CSMD1: variants seen among roughly 807,000 people sequenced by gnomAD.
CSMD1 encodes CUB and sushi domain-containing protein 1.
A neutral mutation model predicts 417.5 loss-of-function variants in CSMD1; 213 were observed. The ratio of observed to expected loss-of-function variants is 0.51; its 90% CI spans 0.46 to 0.57. The LOEUF (loss-of-function observed/expected upper bound fraction) is 0.57. Among genes scored for constraint, CSMD1 ranks in the 20% least tolerant of loss-of-function variants. The pLI is 0.00. For missense variants in CSMD1, 6,923 were observed against 4,529.7 expected, an observed-to-expected ratio of 1.53 and a Z score of -15.17; for synonymous variants, 2,862 against 1,736.8, an observed-to-expected ratio of 1.65 and a Z score of -16.11.
intron 3 of CSMD1, among the ~76,000 whole-genome samples, chr8:4,056,749 T>C (rs922418607): frequency 1.3e-5 from 2 of 151,846 alleles, no homozygotes; most frequent in African/African-American, 4.8e-5. Context: ...TGCGTTCTCA[T>C]TGTTCAATTC....
At chr8:3,306,410 G>C (rs185099532) in intron 25 of CSMD1, among the ~76,000 whole-genome samples, 1 of 152,242 alleles carries the variant, frequency 6.6e-6, no homozygotes, top group East Asian at 1.9e-4. Context: ...CTGATCTTAA[G>C]TGATCCACCC....
chr8:3,102,147 G>T (rs929130417), intron 46 of CSMD1, among the ~76,000 whole-genome samples: 1 of 152,130 alleles, frequency 6.6e-6, no homozygotes, highest in Non-Finnish European at 1.5e-5. Context: ...AATAGCTAAC[G>T]TAATTTTTCT....
chr8:4,699,817 C>G (rs192127850), intron 1 of CSMD1, among the ~76,000 whole-genome samples: 1 of 152,304 alleles, frequency 6.6e-6, no homozygotes, highest in African/African-American at 2.4e-5. Flanking sequence ...ATGAACAGGT[C>G]TTGCCGATGC....
intron 7 of CSMD1, among the ~76,000 whole-genome samples, chr8:3,618,518 A>C (rs1802257277): frequency 6.6e-6 from 1 of 152,080 alleles, no homozygotes; most frequent in Non-Finnish European, 1.5e-5. Flanking sequence ...TGATGTGACA[A>C]TTATATTGAA....
chr8:3,949,835 T>C (rs374723515), intron 5 of CSMD1: 28 of 446,568 alleles, frequency 6.3e-5, no homozygotes, highest in African/African-American at 2.6e-4. Context: ...CCATCTTTCA[T>C]TGATTGAGGG....
chr8:4,641,662 C>G (rs565019108), intron 1 of CSMD1, among the ~76,000 whole-genome samples: 3 of 152,140 alleles, frequency 2.0e-5, no homozygotes, highest in Non-Finnish European at 4.4e-5. Flanking sequence ...TATATCTCCA[C>G]GAACAAACAC....
intron 5 of CSMD1, among the ~76,000 whole-genome samples, chr8:3,942,677 C>T (rs951951266): frequency 6.6e-6 from 1 of 152,122 alleles, no homozygotes; most frequent in Non-Finnish European, 1.5e-5. Context: ...ATTTATAGGT[C>T]CTTTTCCCTA....
rs543107664 is a variant in CSMD1, at chr8:3,111,594, G to C, written c.6431-1259C>G. Among the ~76,000 whole-genome samples the C allele has an allele frequency of 2.2e-4, 33 of 152,284 alleles. No individual in the cohort carries two copies. In the South Asian group the frequency reaches 6.2e-3, roughly 29 times the overall value. On this transcript the variant is annotated intron_variant, in intron 42 of 69. Coordinates refer to ENST00000635120, the MANE Select transcript of CSMD1 (RefSeq NM_033225.6). ...CTTCTGTAATCCCAGCACTTTGGGA[G>C]ACTGAGGTGGGTGGATCACCTGAGG...
intron 1 of CSMD1, among the ~76,000 whole-genome samples, chr8:4,840,588 T>C (rs1585194531): frequency 6.6e-6 from 1 of 152,180 alleles, no homozygotes; most frequent in African/African-American, 2.4e-5. Context: ...AAAACAAATG[T>C]AAGAAAATAT....
At chr8:4,816,455 T>G (rs1037738404) in intron 1 of CSMD1, among the ~76,000 whole-genome samples, 16 of 152,128 alleles carry the variant, frequency 1.1e-4, no homozygotes, top group Non-Finnish European at 1.9e-4. Context: ...CCCAAACTCC[T>G]GACCTCAAGT....
chr8:3,274,539 C>T (rs1356848940), intron 26 of CSMD1, among the ~76,000 whole-genome samples: 2 of 152,052 alleles, frequency 1.3e-5, no homozygotes, highest in African/African-American at 2.4e-5. Flanking sequence ...GTTAAAGTCT[C>T]CCATTATTAA....
At chr8:3,835,313 C>T (rs1437211105) in intron 5 of CSMD1, among the ~76,000 whole-genome samples, 2 of 152,078 alleles carry the variant, frequency 1.3e-5, no homozygotes, top group Admixed American at 6.5e-5. Context: ...GACTTGGAAC[C>T]ATCCCAAATG....
chr8:3,396,014 T>C (rs908251774), intron 17 of CSMD1, among the ~76,000 whole-genome samples, 180 bp downstream of exon 17: 1 of 152,226 alleles, frequency 6.6e-6, no homozygotes, highest in Non-Finnish European at 1.5e-5. Context: ...AAGGCAGTAA[T>C]TCCAAGATGC....
chr8:3,347,712 G>A lies in CSMD1; in HGVS notation c.3474+280C>T, dbSNP rs111988178. 6.1e-3 allele frequency among the ~76,000 whole-genome samples: 931 copies of A among 152,266 alleles called. 6 individuals are homozygous for A. Among genetic ancestry groups the A allele is most frequent in the Non-Finnish European group, 8.1e-3 (554 of 68,024 alleles). On this transcript the variant is annotated intron_variant, in intron 22 of 69. Coordinates refer to ENST00000635120, the MANE Select transcript of CSMD1 (RefSeq NM_033225.6). The stretch of plus-strand genomic sequence containing the variant: ...ACAATTGCATTTTGTTACACATAAG[G>A]AAGCTGAAGATCAAAAGTGTTAAAT...
chr8:3,125,639 T>C (rs570901445), intron 41 of CSMD1, among the ~76,000 whole-genome samples: 2 of 152,318 alleles, frequency 1.3e-5, no homozygotes, highest in East Asian at 1.9e-4. Context: ...GAAGGCATTC[T>C]CTCTATTAGT....
intron 2 of CSMD1, among the ~76,000 whole-genome samples, chr8:4,549,895 T>TTA (rs1563277700): frequency 3.0e-5 from 2 of 65,840 alleles, no homozygotes; most frequent in Non-Finnish European, 5.3e-5. Flanking sequence ...AGACTTTGTC[T>TTA]CAAAAAAAAA....
intron 5 of CSMD1, among the ~76,000 whole-genome samples, chr8:3,883,594 GTTA>G (rs1459228750): frequency 9.9e-5 from 15 of 152,086 alleles, no homozygotes; most frequent in African/African-American, 2.2e-4. Flanking sequence ...AAAAATTAGT[GTTA>G]TTATTTATTT....
At chr8:3,208,298 C>A (rs576066688) in intron 30 of CSMD1, among the ~76,000 whole-genome samples, 4 of 152,124 alleles carry the variant, frequency 2.6e-5, no homozygotes, top group African/African-American at 7.2e-5. Context: ...ATCTTCTGAT[C>A]GCTCTGTCAC....
chr8:3,881,918 T>C (rs1216311349), intron 5 of CSMD1, among the ~76,000 whole-genome samples: 4 of 152,168 alleles, frequency 2.6e-5, no homozygotes, highest in Non-Finnish European at 4.4e-5. Flanking sequence ...AAAAGTTACC[T>C]GGATTCTTTA....
Sources: allele counts gnomAD v4.1 joint callset (sites outside exome capture counted in the v4.1 genomes callset), GRCh38; gene constraint gnomAD v4.1.1; transcripts MANE v1.5; gene names NCBI Gene and HGNC (gene_info 2026-07-23, HGNC 2026-07-21).